The following KIF1C variants were observed in gnomAD, a reference collection of about 807,000 sequenced individuals.
The protein encoded by KIF1C is kinesin family member 1C, also known as kinesin-like protein KIF1C.
A neutral mutation model predicts 126.5 loss-of-function variants in KIF1C; 61 were observed. That is an observed-to-expected ratio of 0.48 (90% CI 0.39 to 0.60). The LOEUF (loss-of-function observed/expected upper bound fraction) is 0.60. Among genes scored for constraint, KIF1C ranks in the 20% least tolerant of loss-of-function variants. The pLI is 0.00. For synonymous variants in KIF1C, 640 were observed against 580.6 expected (o/e 1.10, Z -1.47); for missense variants, 1,315 against 1,489.2 (o/e 0.88, Z 1.93).
chr17:5,023,805 A>G lies in KIF1C; in HGVS notation c.2966A>G (p.Glu989Gly). 2 of 1,518,390 alleles carry G rather than the reference A, an allele frequency of 1.3e-6. No individual in the cohort carries two copies. Among genetic ancestry groups the G allele is most frequent in the South Asian group, 2.7e-5 (2 of 75,466 alleles). The allele number at this position is 1,518,390 out of a possible 1,614,324, so 94.1% of individuals were successfully genotyped here. ...TTCAAGAGCAACCCCCAGCACCGGG[A>G]GTCTTGGCCAGGGATGGGGAGCGGG... ...FPFKSNPQHRESWPGMGSGEA... is the reference protein window; with the variant it reads ...FPFKSNPQHRGSWPGMGSGEA... The change falls in exon 23 of 23, where the codon GAG (glutamate) becomes GGG (glycine). Residue 989 changes from glutamate (E) to glycine (G), a missense_variant. By Grantham distance (98) the Glu-to-Gly change is moderately conservative. Transcript: ENST00000320785. This position sits in a 1 kb window ranked among gnomAD's most constrained non-coding sequence, Gnocchi z 4.2.
chr17:5,016,119 C>T (rs1201985984), intron 18 of KIF1C, among the ~76,000 whole-genome samples: 1 of 149,288 alleles, frequency 6.7e-6, no homozygotes, highest in African/African-American at 2.5e-5. Flanking sequence ...GACAAGGGAC[C>T]TGGGGTGTGT....
Position 5,026,007 on chromosome 17 carries a change from T to G in KIF1C, c.*1856T>G, listed in dbSNP as rs1475964342. The G allele has an allele frequency of 6.6e-6, 1 of 152,226 alleles. No homozygotes were observed. Among genetic ancestry groups the G allele is most frequent in the Non-Finnish European group, 1.5e-5 (1 of 68,038 alleles). The allele number at this position is 152,226 out of a possible 1,614,324, so 9.4% of individuals were successfully genotyped here. On this transcript the variant is annotated 3_prime_UTR_variant, in exon 23 of 23. Coordinates refer to ENST00000320785, the MANE Select transcript of KIF1C (RefSeq NM_006612.6). Reference sequence around the variant, plus strand: ...TCTCAGGAAAACACTTTGACCCACTTGAAGCTCTGAGCTACTGCTTCACAG... The same window carrying G: ...TCTCAGGAAAACACTTTGACCCACTGGAAGCTCTGAGCTACTGCTTCACAG...
At chr17:5,002,147 G>T in intron 6 of KIF1C, 23 bp downstream of exon 6, 1 of 1,606,146 alleles carries the variant, frequency 6.2e-7, no homozygotes, top group Non-Finnish European at 8.5e-7. Flanking sequence ...CTTGGTGGCA[G>T]GGCTGAGAGG....
At chr17:5,009,822 T>C (rs1490531632) in intron 16 of KIF1C, among the ~76,000 whole-genome samples, 1 of 151,672 alleles carries the variant, frequency 6.6e-6, no homozygotes, top group Non-Finnish European at 1.5e-5. Flanking sequence ...CTCCTAGAGA[T>C]GCTGTCTAGG....
rs779490368 is a variant in KIF1C at position 5,000,365 on chromosome 17, C to T, written c.106+13C>T. On this transcript the variant is annotated intron_variant, in intron 3 of 22. Coordinates refer to ENST00000320785, the MANE Select transcript of KIF1C (RefSeq NM_006612.6). ...GGCAACACCACCTGTGAGTGAGTCC[C>T]CGGGGCCTGGCTGGGCACAGGCAGG... The T allele has an allele frequency of 6.5e-7, 1 of 1,544,564 alleles. No homozygotes were observed. The highest frequency in any genetic ancestry group is 1.4e-5 in the African/African-American group (1 of 73,132).
rs189837368 is a variant in KIF1C, at chr17:5,018,092, C to A, written c.1667-1904C>A. The stretch of plus-strand genomic sequence containing the variant: ...ACCTCCCGGGTTAAAGTGATCCCCC[C>A]ACCTCAGCCTCCTGAGTAGCTGGGA... On this transcript the variant is annotated intron_variant, in intron 18 of 22. Coordinates refer to ENST00000320785, the MANE Select transcript of KIF1C (RefSeq NM_006612.6). 6.4e-3 allele frequency among the ~76,000 whole-genome samples: 973 copies of A among 152,086 alleles called. 11 individuals are homozygous for A. The highest frequency in any genetic ancestry group is 0.023 in the African/African-American group (945 of 41,512).
chr17:5,016,961 A>G (rs1974983934), intron 18 of KIF1C, among the ~76,000 whole-genome samples: 2 of 151,994 alleles, frequency 1.3e-5, no homozygotes, highest in African/African-American at 2.4e-5. Context: ...GGGTCAGCCA[A>G]TCAAGGCAGT....
chr17:5,024,072 A>G lies in KIF1C; in HGVS notation c.3233A>G (p.Tyr1078Cys). The G allele has an allele frequency of 6.3e-7, 1 of 1,588,024 alleles. No individual in the cohort carries two copies. The highest frequency in any genetic ancestry group is 8.6e-7 in the Non-Finnish European group (1 of 1,166,564). ...YPAQRPPGPR[Y>C]PPYTTPPRMR... ...GCCCAGCGGCCCCCAGGGCCCCGCTACCCCCCATACACTACTCCCCCACGA... is the reference window on the plus strand; with the variant it reads ...GCCCAGCGGCCCCCAGGGCCCCGCTGCCCCCCATACACTACTCCCCCACGA... The change falls in exon 23 of 23, where the codon TAC (tyrosine) becomes TGC (cysteine). Residue 1078 changes from tyrosine (Y) to cysteine (C), a missense_variant. By Grantham distance (194) the Tyr-to-Cys change is radical. Around this residue, in one of 2 missense-constraint regions of KIF1C, gnomAD observed 441 missense variants for 436.1 expected, o/e 1.01. Coordinates refer to ENST00000320785, the MANE Select transcript of KIF1C (RefSeq NM_006612.6).
At position 5,022,291 on chromosome 17, in the gene KIF1C, A is replaced by G. The variant is rs371774970; in HGVS notation, c.2210A>G (p.Lys737Arg). The change falls in exon 22 of 23, where the codon AAA (lysine) becomes AGA (arginine). Residue 737 changes from lysine to arginine, a missense_variant. By Grantham distance (26) the Lys-to-Arg change is conservative (BLOSUM62 2). Transcript: ENST00000320785. This position sits in a 1 kb window ranked among gnomAD's most constrained non-coding sequence, Gnocchi z 4.9. ...CCCCAGCGACGCAGGCTGCAGGGCA[A>G]AGACCCCCGCTGGGCCACCATGGCT... ...QIPQRRRLQGKDPRWATMADL... is the reference protein window; with the variant it reads ...QIPQRRRLQGRDPRWATMADL... The G allele has an allele frequency of 5.6e-6, 9 of 1,613,042 alleles. No homozygotes were observed. In the East Asian group the frequency reaches 1.3e-4, roughly 24 times the overall value.
chr17:5,024,208 G>A lies in KIF1C; in HGVS notation c.*57G>A, dbSNP rs1199990776. On this transcript the variant is annotated 3_prime_UTR_variant, in exon 23 of 23. Transcript: ENST00000320785. ...GCCCCTTGCTAGGAGAAGGGAAGAC[G>A]CCCGAGACGCTGCTTCCCCAGAAGT... 18 of 1,252,472 alleles carry A rather than the reference G, an allele frequency of 1.4e-5. No homozygotes were observed. Among genetic ancestry groups the A allele is most frequent in the Middle Eastern group, 4.3e-4 (2 of 4,624 alleles). 77.6% of individuals were successfully genotyped at this position (1,252,472 alleles called of 1,614,324 possible).
At chr17:5,000,130 T>A (rs899089331) in intron 2 of KIF1C, 90 bp from the exon 3 acceptor site, 8 of 710,128 alleles carry the variant, frequency 1.1e-5, no homozygotes, top group Middle Eastern at 2.7e-4. Flanking sequence ...GGGGGAGATG[T>A]GAAGAGACTG....
At chr17:5,010,576 A>G (rs940483676) in intron 16 of KIF1C, among the ~76,000 whole-genome samples, 3 of 151,564 alleles carry the variant, frequency 2.0e-5, no homozygotes, top group South Asian at 2.1e-4. Flanking sequence ...GTGAAACCCC[A>G]TCTCTACTAA....
Position 5,004,017 on chromosome 17 carries a change from C to T in KIF1C, c.884C>T (p.Ser295Leu), listed in dbSNP as rs145650252. Residue 295 changes from serine to leucine, a missense_variant, in exon 11 of 23, where the codon TCG becomes TTG. Ser to Leu is a moderately radical substitution (Grantham distance 145). Transcript: ENST00000320785. ...CCCCAGCAATCAAAGAAGCGAAAGT[C>T]GGATTTTATCCCCTACAGGGACTCT... Reference protein sequence around the residue: ...LADMQSKKRKSDFIPYRDSVL... With the variant: ...LADMQSKKRKLDFIPYRDSVL... 2.5e-4 allele frequency: 397 copies of T among 1,613,998 alleles called. No individual in the cohort carries two copies. The Middle Eastern group carries it at 3.3e-3, about 13-fold the overall frequency.
intron 17 of KIF1C, among the ~76,000 whole-genome samples, chr17:5,014,467 T>A (rs563433687): frequency 6.6e-6 from 1 of 152,016 alleles, no homozygotes; most frequent in Non-Finnish European, 1.5e-5. Context: ...CCCTGCATGC[T>A]CTCCCAGCTT....
chr17:5,010,880 G>A (rs78068789), intron 16 of KIF1C, among the ~76,000 whole-genome samples: 9 of 149,332 alleles, frequency 6.0e-5, no homozygotes, highest in Admixed American at 1.3e-4. Context: ...GTGCAATCTC[G>A]GCCCACTGCA....
At chr17:5,017,081 C>T (rs139879890) in intron 18 of KIF1C, among the ~76,000 whole-genome samples, 6 of 152,114 alleles carry the variant, frequency 3.9e-5, no homozygotes, top group East Asian at 1.9e-4. Context: ...TCCTGTTCTG[C>T]GGCAACCTCA....
intron 18 of KIF1C, among the ~76,000 whole-genome samples, chr17:5,017,768 C>T (rs933719634): frequency 4.0e-5 from 6 of 151,898 alleles, no homozygotes; most frequent in Admixed American, 3.9e-4. Context: ...CTGAGGCTCT[C>T]GGGGGTTAGG....
At position 5,002,696 on chromosome 17, in the gene KIF1C, A is replaced by G. The variant is rs116908728; in HGVS notation, c.609-35A>G. 2,521 of 1,612,856 alleles carry G rather than the reference A, an allele frequency of 1.6e-3. 77 individuals carry two copies. The East Asian group carries it at 0.045, about 29-fold the overall frequency. ...AGGGGGCCAGGGTTGGGAAGGTGAGAGGCAGGATCCAGTGACTGCTTTCTT... is the reference window on the plus strand; with the variant it reads ...AGGGGGCCAGGGTTGGGAAGGTGAGGGGCAGGATCCAGTGACTGCTTTCTT... On this transcript the variant is annotated intron_variant, in intron 7 of 22. Transcript: ENST00000320785.
intron 16 of KIF1C, 63 bp from the exon 17 acceptor site, chr17:5,013,590 C>T: frequency 2.4e-6 from 3 of 1,256,436 alleles, no homozygotes; most frequent in Non-Finnish European, 3.5e-6. Context: ...CCACCGCTCC[C>T]TTTCTTCCTT....
Sources: allele counts gnomAD v4.1 joint callset (sites outside exome capture counted in the v4.1 genomes callset), GRCh38; gene constraint gnomAD v4.1.1; regional missense constraint gnomAD v4.1.1; non-coding constraint Gnocchi (gnomAD v3.1); transcripts MANE v1.5; gene names NCBI Gene and HGNC (gene_info 2026-07-23, HGNC 2026-07-21).